TMEM135: variants seen among roughly 807,000 people sequenced by gnomAD.
The protein encoded by TMEM135 is peroxisomal membrane protein 52.
A neutral mutation model predicts 60.3 loss-of-function variants in TMEM135; 30 were observed. That is an observed-to-expected ratio of 0.50 (90% CI 0.37 to 0.68). The LOEUF (loss-of-function observed/expected upper bound fraction) is 0.68, where lower values mean the gene tolerates loss of function less well. Ranked by LOEUF, TMEM135 falls within the 30% of genes least tolerant of loss-of-function variation. The pLI, the probability that TMEM135 is intolerant of heterozygous loss-of-function variation, is 0.00. For missense variants in TMEM135, 468 were observed against 548.8 expected (o/e 0.85, Z 1.47); for synonymous variants, 190 against 186.7 (o/e 1.02, Z -0.14).
chr11:87,101,230 C>T (rs1213617532), intron 4 of TMEM135, among the ~76,000 whole-genome samples: 1 of 152,008 alleles, frequency 6.6e-6, no homozygotes. Flanking sequence ...GGCTAGTATG[C>T]CAGAACCAGT....
intron 4 of TMEM135, among the ~76,000 whole-genome samples, chr11:87,097,120 CAGAGTAGTTGGGATT>C (rs1440863864): frequency 1.3e-5 from 2 of 152,026 alleles, no homozygotes; most frequent in Non-Finnish European, 2.9e-5. Flanking sequence ...CCTCAGTCCC[CAGAGTAGTTGGGATT>C]ACAGGCGCAC....
At chr11:87,040,056 C>T (rs1590971911) in intron 1 of TMEM135, among the ~76,000 whole-genome samples, 1 of 152,134 alleles carries the variant, frequency 6.6e-6, no homozygotes. Flanking sequence ...TGGCCTTGTA[C>T]CCTTACATCT....
intron 6 of TMEM135, among the ~76,000 whole-genome samples, chr11:87,263,221 A>G (rs1194405941): frequency 6.6e-6 from 1 of 152,182 alleles, no homozygotes; most frequent in Non-Finnish European, 1.5e-5. Flanking sequence ...ATTTACAGAG[A>G]AAATAAGGAA....
chr11:87,178,095 G>A (rs1231639134), intron 5 of TMEM135, among the ~76,000 whole-genome samples: 1 of 152,106 alleles, frequency 6.6e-6, no homozygotes, highest in African/African-American at 2.4e-5. Flanking sequence ...GGGTGTGATT[G>A]ATTAAATTAT....
intron 5 of TMEM135, among the ~76,000 whole-genome samples, chr11:87,186,930 A>G (rs1303783789): frequency 6.6e-6 from 1 of 152,206 alleles, no homozygotes; most frequent in African/African-American, 2.4e-5. Flanking sequence ...AACAATGTTT[A>G]TAGGGGATAC....
chr11:87,127,635 G>A (rs985820849), intron 4 of TMEM135, among the ~76,000 whole-genome samples: 3 of 152,138 alleles, frequency 2.0e-5, no homozygotes, highest in African/African-American at 7.2e-5. Flanking sequence ...GTCTTCAGTA[G>A]ACTAAGTTTC....
At chr11:87,281,332 C>T (rs1354016166) in intron 6 of TMEM135, among the ~76,000 whole-genome samples, 1 of 152,098 alleles carries the variant, frequency 6.6e-6, no homozygotes, top group Non-Finnish European at 1.5e-5. Context: ...ACATATATTT[C>T]TTGAGTTACT....
Position 87,039,158 on chromosome 11 carries a change from C to T in TMEM135, c.141+972C>T, listed in dbSNP as rs542694967. ...TAATTTAGATTTATACCCTAATGTT[C>T]CTGAAAGTGTGTCATGGCTGTATCT... is the stretch of plus-strand genomic sequence containing the variant. On this transcript the variant is annotated intron_variant, in intron 1 of 14. Coordinates refer to ENST00000305494, the MANE Select transcript of TMEM135 (RefSeq NM_022918.4). 2.6e-4 allele frequency among the ~76,000 whole-genome samples: 40 copies of T among 152,238 alleles called. No homozygotes were observed. In the East Asian group the frequency reaches 6.6e-3, roughly 25 times the overall value.
intron 4 of TMEM135, among the ~76,000 whole-genome samples, chr11:87,118,167 A>G (rs867872404): frequency 9.2e-5 from 14 of 152,018 alleles, no homozygotes; most frequent in African/African-American, 3.4e-4. Flanking sequence ...TTGTTGTTTC[A>G]TTTATGGAAC....
rs79575736 is a variant in TMEM135 at position 87,252,017 on chromosome 11, G to A, written c.509+15333G>A. 1.4e-3 allele frequency among the ~76,000 whole-genome samples: 218 copies of A among 152,148 alleles called. 1 individual carries two copies. The highest frequency in any genetic ancestry group is 2.9e-3 in the Admixed American group (45 of 15,288). ...TAGGTGGGTTGGGGTAGTGGATTAA[G>A]AAATAAATGTGAAATAAGGAAGTAA... On this transcript the variant is annotated intron_variant, in intron 6 of 14. Transcript: ENST00000305494.
At position 87,328,070 on chromosome 11, in the gene TMEM135, G is replaced by C. The variant is rs1319109134; in HGVS notation, c.*6737G>C. On this transcript the variant is annotated 3_prime_UTR_variant, in exon 15 of 15. Transcript: ENST00000305494. ...AGTTCTCTAGATATTCCTTAATCCA[G>C]TCAAGTTGATGCCTAAAATTAACCA... The C allele has an allele frequency of 6.6e-6, 3 of 453,904 alleles. No individual in the cohort carries two copies. The highest frequency in any genetic ancestry group is 6.0e-5 in the African/African-American group (3 of 49,952). 28.1% of individuals were successfully genotyped at this position (453,904 alleles called of 1,614,324 possible).
chr11:87,202,730 T>TAAAAAAAA (rs201573717), intron 5 of TMEM135, among the ~76,000 whole-genome samples: 1 of 134,412 alleles, frequency 7.4e-6, no homozygotes, highest in Admixed American at 7.5e-5. Flanking sequence ...TAAAAGACTT[T>TAAAAAAAA]AAAAAAAAAA....
intron 7 of TMEM135, among the ~76,000 whole-genome samples, chr11:87,298,526 C>G (rs569610273): frequency 6.6e-6 from 1 of 152,168 alleles, no homozygotes; most frequent in African/African-American, 2.4e-5. Flanking sequence ...TGGTAGCTAA[C>G]GCCTCTAATC....
chr11:87,159,582 T>TAC (rs1398732774), intron 5 of TMEM135, among the ~76,000 whole-genome samples: 33 of 101,408 alleles, frequency 3.3e-4, no homozygotes, highest in African/African-American at 1.0e-3. Flanking sequence ...TACTACTGAA[T>TAC]ACACACACGC....
intron 1 of TMEM135, among the ~76,000 whole-genome samples, chr11:87,056,346 A>G (rs2445536): frequency 0.48 from 73,457 of 151,964 alleles, 19,241 homozygotes; most frequent in African/African-American, 0.68. Context: ...TGGCTTGAAC[A>G]CCTCTAACAC....
intron 3 of TMEM135, among the ~76,000 whole-genome samples, chr11:87,085,854 C>T (rs1277905340): frequency 6.6e-6 from 1 of 152,182 alleles, no homozygotes. Context: ...GTCAGATGAA[C>T]TGACTCTGAA....
chr11:87,136,280 CAT>C, intron 4 of TMEM135, among the ~76,000 whole-genome samples: 2 of 152,054 alleles, frequency 1.3e-5, no homozygotes, highest in Admixed American at 6.5e-5. Flanking sequence ...TAGAGATGAA[CAT>C]GTGCTTTTTC....
chr11:87,260,045 G>C (rs569475620), intron 6 of TMEM135, among the ~76,000 whole-genome samples: 255 of 152,284 alleles, frequency 1.7e-3, no homozygotes, highest in African/African-American at 5.8e-3. Context: ...CTGAATCTCA[G>C]CTGCTCTCAA....
At chr11:87,093,169 T>C (rs954138070) in intron 4 of TMEM135, among the ~76,000 whole-genome samples, 2 of 152,220 alleles carry the variant, frequency 1.3e-5, no homozygotes, top group African/African-American at 4.8e-5. Flanking sequence ...CTGGTTATCT[T>C]TTCAGATTTG....
Sources: gnomAD v4.1 joint callset for allele counts (sites outside exome capture counted in the v4.1 genomes callset) on GRCh38, gnomAD v4.1.1 for gene constraint, MANE v1.5 for transcripts, NCBI Gene and HGNC (gene_info 2026-07-23, HGNC 2026-07-21) for gene names.